The following ARHGEF26 variants were observed in gnomAD, a reference collection of about 807,000 sequenced individuals.
The protein encoded by ARHGEF26 is Rho guanine nucleotide exchange factor 26.
ARHGEF26 carries 59 observed loss-of-function variants against 89.4 expected under a neutral mutation model. The observed-to-expected ratio is 0.66, with a 90% CI of 0.54 to 0.82. The LOEUF (loss-of-function observed/expected upper bound fraction) is 0.82, where lower values mean the gene tolerates loss of function less well. Ranked by LOEUF, ARHGEF26 falls within the 40% of genes least tolerant of loss-of-function variation. ARHGEF26 has a pLI of 0.00. For missense variants in ARHGEF26, 1,234 were observed against 1,085.6 expected, an observed-to-expected ratio of 1.14 and a Z score of -1.92; for synonymous variants, 500 against 428.4, an observed-to-expected ratio of 1.17 and a Z score of -2.06.
At chr3:154,239,261 G>GGGGGAGA (rs1717314182) in intron 11 of ARHGEF26, among the ~76,000 whole-genome samples, 12 of 105,592 alleles carry the variant, frequency 1.1e-4, no homozygotes, top group African/African-American at 4.1e-4. Flanking sequence ...AGAGAGAGAG[G>GGGGGAGA]GAGAGAGAGA....
chr3:154,175,548 T>G (rs1712762940), intron 6 of ARHGEF26, among the ~76,000 whole-genome samples: 1 of 152,212 alleles, frequency 6.6e-6, no homozygotes, highest in Admixed American at 6.5e-5. Context: ...ATAGATAATT[T>G]AGTAAAGATA....
rs772105688 is a variant in ARHGEF26, at chr3:154,217,875, C to G, written c.1852C>G (p.Arg618Gly). ...RALKEVSKLV[R>G]LCNEGARKME... Reference sequence around the variant, plus strand: ...TACTCTTCTGTGTTCCCAGTTGGTTCGACTATGCAATGAGGGCGCCCGGAA... The same window carrying G: ...TACTCTTCTGTGTTCCCAGTTGGTTGGACTATGCAATGAGGGCGCCCGGAA... The change falls in exon 10 of 15, where the codon CGA becomes GGA. Residue 618 changes from arginine (R) to glycine (G), a missense_variant. Coordinates refer to ENST00000465093, the MANE Select transcript of ARHGEF26 (RefSeq NM_015595.4). 1.7e-5 allele frequency: 27 copies of G among 1,596,534 alleles called. No homozygotes were observed. The highest frequency in any genetic ancestry group is 2.2e-5 in the Non-Finnish European group (26 of 1,171,132).
intron 6 of ARHGEF26, among the ~76,000 whole-genome samples, chr3:154,161,098 GTTTGTGT>G (rs1436983299): frequency 0.016 from 304 of 18,776 alleles, no homozygotes; most frequent in Middle Eastern, 0.083. Flanking sequence ...TGGTAGCCAG[GTTTGTGT>G]GTGTGTGTGT....
Position 154,256,079 on chromosome 3 carries a change from G to GA in ARHGEF26, c.*609dup. The GA allele has an allele frequency of 1.0e-6, 1 of 985,356 alleles. No homozygotes were observed. The highest frequency in any genetic ancestry group is 1.2e-6 in the Non-Finnish European group (1 of 829,622). 61.0% of individuals were successfully genotyped at this position (985,356 alleles called of 1,614,324 possible). On this transcript the variant is annotated 3_prime_UTR_variant, in exon 15 of 15. Transcript: ENST00000465093. ...TTGTCACCTTTTTCCTCATTAGAAG[G>GA]AAAGTAGAAAGCCTTACTTTAGGAT...
At chr3:154,189,120 T>TA (rs1300539661) in intron 7 of ARHGEF26, among the ~76,000 whole-genome samples, 1 of 152,108 alleles carries the variant, frequency 6.6e-6, no homozygotes, top group Non-Finnish European at 1.5e-5. Flanking sequence ...CTGTAACTGT[T>TA]AGAGAATGCA....
At chr3:154,132,447 A>T (rs923352242) in intron 4 of ARHGEF26, among the ~76,000 whole-genome samples, 1 of 152,100 alleles carries the variant, frequency 6.6e-6, no homozygotes, top group Non-Finnish European at 1.5e-5. Context: ...CACCAAAAAG[A>T]TATAACCAGT....
chr3:154,159,321 TC>T (rs1467369042), intron 6 of ARHGEF26, among the ~76,000 whole-genome samples: 1 of 152,114 alleles, frequency 6.6e-6, no homozygotes, highest in Non-Finnish European at 1.5e-5. Flanking sequence ...ACATTGGTAT[TC>T]TTTGGAAAGC....
rs1349339210 is a variant in ARHGEF26 at position 154,182,049 on chromosome 3, GTATATATACACACACAATA to G, written c.1488-5619_1488-5601del. On this transcript the variant is annotated intron_variant, in intron 6 of 14. Transcript: ENST00000465093. ...GGTGGGTGGTTGGGTGTGTGTGTGTGTATATATACACACACAATATATATATACACACACACTATATATA... is the reference window on the plus strand; with the variant it reads ...GGTGGGTGGTTGGGTGTGTGTGTGTGTATATATACACACACACTATATATA... Among the ~76,000 whole-genome samples, 4 of 150,876 alleles carry G rather than the reference GTATATATACACACACAATA, an allele frequency of 2.7e-5. No individual in the cohort carries two copies. The East Asian group carries it at 7.8e-4, about 29-fold the overall frequency.
At chr3:154,230,119 C>G (rs1716742744) in intron 11 of ARHGEF26, among the ~76,000 whole-genome samples, 2 of 152,188 alleles carry the variant, frequency 1.3e-5, no homozygotes, top group Non-Finnish European at 2.9e-5. Context: ...CTTAGGTCTT[C>G]TCTACCAATA....
intron 9 of ARHGEF26, among the ~76,000 whole-genome samples, chr3:154,196,182 T>C (rs1398361455): frequency 1.3e-5 from 2 of 152,136 alleles, no homozygotes; most frequent in Non-Finnish European, 2.9e-5. Flanking sequence ...CCGGCAGTGG[T>C]AGCTAACTGT....
intron 4 of ARHGEF26, among the ~76,000 whole-genome samples, chr3:154,136,038 C>A (rs1202863483): frequency 3.9e-5 from 6 of 152,054 alleles, no homozygotes; most frequent in African/African-American, 1.2e-4. Context: ...CTTGAAATGC[C>A]AGATACCTTT....
At chr3:154,129,115 G>A (rs965400545) in intron 3 of ARHGEF26, among the ~76,000 whole-genome samples, 1 of 152,124 alleles carries the variant, frequency 6.6e-6, no homozygotes, top group Non-Finnish European at 1.5e-5. Flanking sequence ...CATGAGAGGT[G>A]GATGAGGGCA....
intron 8 of ARHGEF26, among the ~76,000 whole-genome samples, chr3:154,191,652 A>T (rs1713966160): frequency 6.6e-6 from 1 of 152,168 alleles, no homozygotes; most frequent in African/African-American, 2.4e-5. Flanking sequence ...CTCATCACCC[A>T]CTTACTCAGC....
intron 3 of ARHGEF26, among the ~76,000 whole-genome samples, chr3:154,127,593 G>A (rs1031807262): frequency 2.9e-5 from 3 of 102,186 alleles, no homozygotes; most frequent in Admixed American, 1.4e-4. Context: ...CTGTTTCACA[G>A]TTAACTATTT....
At chr3:154,148,147 A>C (rs577188921) in intron 4 of ARHGEF26, among the ~76,000 whole-genome samples, 1 of 152,228 alleles carries the variant, frequency 6.6e-6, no homozygotes, top group Non-Finnish European at 1.5e-5. Flanking sequence ...GGACAGAGAC[A>C]GAAGCACAGG....
intron 4 of ARHGEF26, among the ~76,000 whole-genome samples, chr3:154,131,230 C>T (rs1230760630): frequency 6.6e-6 from 1 of 152,178 alleles, no homozygotes; most frequent in Non-Finnish European, 1.5e-5. Flanking sequence ...GCAGCTACTA[C>T]TTAGCTCAAA....
At chr3:154,167,743 A>C (rs1404828697) in intron 6 of ARHGEF26, among the ~76,000 whole-genome samples, 1 of 152,176 alleles carries the variant, frequency 6.6e-6, no homozygotes, top group Non-Finnish European at 1.5e-5. Context: ...TAATTCTTGG[A>C]TTTCCCTGCC....
At position 154,187,747 on chromosome 3, in the gene ARHGEF26, T is replaced by C. The variant is rs543945754; in HGVS notation, c.1550T>C (p.Ile517Thr). Residue 517 changes from isoleucine to threonine, a missense_variant, in exon 7 of 15, where the codon ATT becomes ACT. By Grantham distance (89) the Ile-to-Thr change is moderately conservative. Transcript: ENST00000465093. Reference sequence around the variant, plus strand: ...ATCTTCATAGATGACATAAGTGACATTGTGGAAAAACACACAGCATCCACA... The same window carrying C: ...ATCTTCATAGATGACATAAGTGACACTGTGGAAAAACACACAGCATCCACA... ...NNIFIDDISDIVEKHTASTFD... is the reference protein window; with the variant it reads ...NNIFIDDISDTVEKHTASTFD... The C allele has an allele frequency of 3.7e-6, 6 of 1,611,980 alleles. No homozygotes were observed. In the East Asian group the frequency reaches 1.3e-4, roughly 36 times the overall value.
chr3:154,196,698 T>C (rs1714310772), intron 9 of ARHGEF26, among the ~76,000 whole-genome samples: 1 of 152,076 alleles, frequency 6.6e-6, no homozygotes, highest in African/African-American at 2.4e-5. Context: ...GCCTGACAAG[T>C]GAGAAGTTAC....
Sources: gnomAD v4.1 joint callset for allele counts (sites outside exome capture counted in the v4.1 genomes callset) on GRCh38, gnomAD v4.1.1 for gene constraint, MANE v1.5 for transcripts, NCBI Gene and HGNC (gene_info 2026-07-23, HGNC 2026-07-21) for gene names.